The following SORCS1 variants were observed in gnomAD, a reference collection of about 807,000 sequenced individuals.
The protein encoded by SORCS1 is sortilin related VPS10 domain containing receptor 1.
In SORCS1, 60 loss-of-function variants were observed where a neutral mutation model predicts 146.1. That is an observed-to-expected ratio of 0.41 (90% CI 0.33 to 0.51). SORCS1 has a LOEUF of 0.51. Ranked by LOEUF, SORCS1 falls within the 20% of genes least tolerant of loss-of-function variation. SORCS1 has a pLI of 0.21. For synonymous variants in SORCS1, 637 were observed against 584.0 expected (o/e 1.09, Z -1.31); for missense variants, 1,352 against 1,487.6 (o/e 0.91, Z 1.50).
chr10:106,799,999 T>C (rs1357693618), intron 3 of SORCS1, among the ~76,000 whole-genome samples: 4 of 152,172 alleles, frequency 2.6e-5, no homozygotes, highest in Non-Finnish European at 5.9e-5. Flanking sequence ...AGAACTATTA[T>C]ATGCATTGCC....
At chr10:107,165,653 T>A (rs1228990967), upstream of SORCS1, among the ~76,000 whole-genome samples, 5 of 152,184 alleles carry the variant, frequency 3.3e-5, no homozygotes, top group African/African-American at 1.2e-4. This position sits in a 1 kb window ranked among gnomAD's most constrained non-coding sequence, Gnocchi z 4.0. Flanking sequence ...CTAATGCATA[T>A]CTGCATAACA....
intron 3 of SORCS1, among the ~76,000 whole-genome samples, chr10:106,786,334 G>A (rs554808525): frequency 4.9e-4 from 74 of 152,292 alleles, no homozygotes; most frequent in African/African-American, 1.7e-3. Context: ...TCACTTCCAA[G>A]ATGGCTCCTT....
intron 2 of SORCS1, among the ~76,000 whole-genome samples, chr10:106,845,223 C>T (rs1481738114): frequency 9.5e-6 from 1 of 105,400 alleles, no homozygotes; most frequent in Non-Finnish European, 2.0e-5. Context: ...TCCTATTTGT[C>T]CACATCCTCT....
chr10:106,859,844 T>C (rs1192687571), intron 2 of SORCS1, among the ~76,000 whole-genome samples: 1 of 152,248 alleles, frequency 6.6e-6, no homozygotes, highest in Non-Finnish European at 1.5e-5. Context: ...GCTTACCAGA[T>C]GGCCATCTAC....
chr10:106,623,527 AGCCACCAC>A (rs930014421), intron 19 of SORCS1, among the ~76,000 whole-genome samples: 27 of 152,092 alleles, frequency 1.8e-4, no homozygotes, highest in Non-Finnish European at 3.4e-4. Context: ...TACAGGCGTG[AGCCACCAC>A]GCCCGGCTGA....
chr10:107,179,185 A>C, the SORCS1 span, among the ~76,000 whole-genome samples: 1 of 152,188 alleles, frequency 6.6e-6, no homozygotes, highest in African/African-American at 2.4e-5. Context: ...GTCTCATTGC[A>C]GCTTTGACTT....
Position 106,677,323 on chromosome 10 carries a change from G to A in SORCS1, c.1822C>T (p.Arg608Ter), listed in dbSNP as rs753182526. Residue 608 changes from arginine to a stop codon, truncating the protein, a stop_gained, in exon 13 of 26, where the codon CGA (arginine) becomes TGA (stop). Transcript: ENST00000263054. LOFTEE classifies it high-confidence loss of function. ...VAMKHTSLPI[R>*]HLWLSFDEGR... is the part of the protein sequence containing the mutation. ...AGCATGTGCCCTTACCAAAGATGTC[G>A]AATTGGGAGAGATGTGTGTTTCATA... 6 of 1,613,816 alleles carry A rather than the reference G, an allele frequency of 3.7e-6. No individual in the cohort carries two copies. The highest frequency in any genetic ancestry group is 3.3e-5 in the South Asian group (3 of 91,074).
chr10:106,949,572 G>C (rs1054470870), intron 2 of SORCS1, among the ~76,000 whole-genome samples: 4 of 152,174 alleles, frequency 2.6e-5, no homozygotes, highest in African/African-American at 7.2e-5. Context: ...ATCATGATGC[G>C]TAATGGCCAC....
At chr10:107,077,676 G>A (rs945083100) in intron 1 of SORCS1, among the ~76,000 whole-genome samples, 1 of 151,256 alleles carries the variant, frequency 6.6e-6, no homozygotes, top group Admixed American at 6.6e-5. Context: ...GCAGAGGTGA[G>A]TCCCTGGATC....
At chr10:107,178,959 C>T in the SORCS1 span, among the ~76,000 whole-genome samples, 434 of 152,194 alleles carry the variant, frequency 2.9e-3, 4 homozygotes, top group African/African-American at 1.0e-2. Context: ...TACTGATTTC[C>T]TTTCCTTTGA....
intron 18 of SORCS1, among the ~76,000 whole-genome samples, chr10:106,638,430 C>G (rs1373719983): frequency 6.6e-6 from 1 of 151,716 alleles, no homozygotes; most frequent in Non-Finnish European, 1.5e-5. Flanking sequence ...TGGGAAAATA[C>G]AGAAATACAT....
At chr10:107,088,117 A>G (rs1369853417) in intron 1 of SORCS1, among the ~76,000 whole-genome samples, 1 of 60,154 alleles carries the variant, frequency 1.7e-5, no homozygotes, top group African/African-American at 6.3e-5. Flanking sequence ...ACGGGGTTTC[A>G]CCGTGTTAGC....
At chr10:106,762,781 G>T (rs1436820186) in intron 4 of SORCS1, among the ~76,000 whole-genome samples, 1 of 151,986 alleles carries the variant, frequency 6.6e-6, no homozygotes, top group Non-Finnish European at 1.5e-5. Context: ...TGAGTGCCAA[G>T]GAGAGATGGG....
chr10:106,589,959 G>A (rs972391591), intron 24 of SORCS1, among the ~76,000 whole-genome samples: 4 of 151,832 alleles, frequency 2.6e-5, no homozygotes, highest in African/African-American at 9.7e-5. Flanking sequence ...CTTCACTAGC[G>A]CACAATGGAT....
chr10:106,913,569 T>C (rs1482157671), intron 2 of SORCS1, among the ~76,000 whole-genome samples: 1 of 152,074 alleles, frequency 6.6e-6, no homozygotes, highest in Non-Finnish European at 1.5e-5. Context: ...GAGACAAGGG[T>C]TTCGTAGCTG....
At chr10:106,768,891 T>C (rs1176791111) in intron 4 of SORCS1, among the ~76,000 whole-genome samples, 1 of 152,202 alleles carries the variant, frequency 6.6e-6, no homozygotes, top group Non-Finnish European at 1.5e-5. Context: ...CTCAGTATCA[T>C]CAAATAGTCC....
chr10:106,864,517 C>A (rs1950154041), intron 2 of SORCS1, among the ~76,000 whole-genome samples: 1 of 152,198 alleles, frequency 6.6e-6, no homozygotes. Flanking sequence ...CTCGGGCTTT[C>A]TGAGCTTCCC....
At chr10:106,875,375 T>C (rs1375658977) in intron 2 of SORCS1, among the ~76,000 whole-genome samples, 1 of 152,224 alleles carries the variant, frequency 6.6e-6, no homozygotes, top group East Asian at 1.9e-4. Context: ...AGTGGGCACT[T>C]ATGTTGGTTC....
chr10:106,711,825 T>G (rs779874516), intron 6 of SORCS1, among the ~76,000 whole-genome samples: 1 of 152,164 alleles, frequency 6.6e-6, no homozygotes, highest in South Asian at 2.1e-4. Context: ...AGAACGATCC[T>G]CCGTCTAGCA....
Sources: gnomAD v4.1 joint callset for allele counts (sites outside exome capture counted in the v4.1 genomes callset) on GRCh38, gnomAD v4.1.1 for gene constraint, Gnocchi (gnomAD v3.1) non-coding constraint, MANE v1.5 for transcripts, NCBI Gene and HGNC (gene_info 2026-07-23, HGNC 2026-07-21) for gene names.